MYO6: variants seen among roughly 807,000 people sequenced by gnomAD.
MYO6 encodes unconventional myosin-VI.
MYO6 carries 74 observed loss-of-function variants against 178.7 expected under a neutral mutation model. The ratio of observed to expected loss-of-function variants is 0.41; its 90% CI spans 0.34 to 0.50. The LOEUF (loss-of-function observed/expected upper bound fraction) is 0.50, where lower values mean the gene tolerates loss of function less well. Among genes scored for constraint, MYO6 ranks in the 20% least tolerant of loss-of-function variants. The pLI, the probability that MYO6 is intolerant of heterozygous loss-of-function variation, is 0.09. For synonymous variants in MYO6, 477 were observed against 504.6 expected (o/e 0.95, Z 0.73); for missense variants, 1,330 against 1,547.4 (o/e 0.86, Z 2.36).
At chr6:75,807,577 C>T (rs1454408627) in intron 1 of MYO6, among the ~76,000 whole-genome samples, 1 of 152,170 alleles carries the variant, frequency 6.6e-6, no homozygotes, top group Non-Finnish European at 1.5e-5. Context: ...GGGTCCTGAT[C>T]CAGACCCCAA....
Position 75,890,104 on chromosome 6 carries a change from G to C in MYO6, c.2706G>C (p.Leu902=). The change falls in exon 26 of 35, where the codon CTG becomes CTC. Residue 902 remains leucine, a synonymous_variant. Coordinates refer to ENST00000369977, the MANE Select transcript of MYO6 (RefSeq NM_004999.4). ...AAATCCAGAAAGAATATGATGCACTGGTTAAAAGCTCAGAGGAACTCCTCA... is the reference window on the plus strand; with the variant it reads ...AAATCCAGAAAGAATATGATGCACTCGTTAAAAGCTCAGAGGAACTCCTCA... ...QEQIQKEYDA[L]VKSSEELLSA... 6.2e-7 allele frequency: 1 copy of C among 1,613,818 alleles called. No individual in the cohort carries two copies. Among genetic ancestry groups the C allele is most frequent in the Non-Finnish European group, 8.5e-7 (1 of 1,179,956 alleles).
In MYO6 at chr6:75,761,633, AT is replaced by A. The variant is rs1241224983; in HGVS notation, c.-48+12220del. On this transcript the variant is annotated intron_variant, in intron 1 of 34. Transcript: ENST00000369977. ...CACACACACACACACACACAGACAC[AT>A]TTTTTTTTTCCTTTTTGCCAGATGT... 2.0e-3 allele frequency among the ~76,000 whole-genome samples: 291 copies of A among 148,080 alleles called. 1 individual carries two copies. Among genetic ancestry groups the A allele is most frequent in the African/African-American group, 6.5e-3 (261 of 40,326 alleles).
Position 75,904,272 on chromosome 6 carries a change from C to T in MYO6, c.3177-3333C>T, listed in dbSNP as rs1345585483. Among the ~76,000 whole-genome samples, 3 of 150,064 alleles carry T rather than the reference C, an allele frequency of 2.0e-5. 1 individual carries two copies. The highest frequency in any genetic ancestry group is 4.5e-5 in the Non-Finnish European group (3 of 67,186). On this transcript the variant is annotated intron_variant, in intron 30 of 34. Transcript: ENST00000369977. ...TGTATTTCCTGAATCTGAATGTTGG[C>T]CTGCCTTGCTAGATTGGGTAAGTTC...
At chr6:75,808,407 C>T (rs953952806) in intron 1 of MYO6, among the ~76,000 whole-genome samples, 5 of 152,170 alleles carry the variant, frequency 3.3e-5, no homozygotes, top group African/African-American at 1.2e-4. Context: ...TATATGGCCA[C>T]CAATCCTATC....
rs561955515 is a variant in MYO6, at chr6:75,869,449, CTT to C, written c.1945-1197_1945-1196del. Among the ~76,000 whole-genome samples the C allele has an allele frequency of 6.6e-5, 10 of 152,182 alleles. No individual in the cohort carries two copies. The South Asian group carries it at 2.1e-3, about 32-fold the overall frequency. On this transcript the variant is annotated intron_variant, in intron 18 of 34. Coordinates refer to ENST00000369977, the MANE Select transcript of MYO6 (RefSeq NM_004999.4). The stretch of plus-strand genomic sequence containing the variant: ...TTTCCTTGGATTGTCATGTTCTATC[CTT>C]AATTAGATTAAACATAATAACTCCT...
intron 1 of MYO6, among the ~76,000 whole-genome samples, chr6:75,789,628 A>C (rs1768027883): frequency 1.3e-5 from 2 of 151,552 alleles, no homozygotes; most frequent in Non-Finnish European, 2.9e-5. Flanking sequence ...ATTTTTATTT[A>C]TAATTGACAC....
chr6:75,820,323 T>A (rs1260419599), intron 2 of MYO6, among the ~76,000 whole-genome samples: 2 of 152,206 alleles, frequency 1.3e-5, no homozygotes, highest in Non-Finnish European at 2.9e-5. Flanking sequence ...GTGTCATTGC[T>A]AACATTGCTC....
chr6:75,784,703 G>A (rs371103299), intron 1 of MYO6, among the ~76,000 whole-genome samples: 5 of 150,418 alleles, frequency 3.3e-5, no homozygotes, highest in African/African-American at 9.9e-5. Context: ...CGTGAACCCG[G>A]GAGGCGGAGC....
At chr6:75,874,325 T>C (rs767465075) in intron 20 of MYO6, among the ~76,000 whole-genome samples, 3 of 152,210 alleles carry the variant, frequency 2.0e-5, no homozygotes, top group South Asian at 4.1e-4. Flanking sequence ...CAAGACAGGA[T>C]GGCACCAGTT....
chr6:75,754,410 C>T (rs1182890545), intron 1 of MYO6, among the ~76,000 whole-genome samples: 1 of 146,176 alleles, frequency 6.8e-6, no homozygotes, highest in Non-Finnish European at 1.5e-5. Flanking sequence ...ATCCCAGCTA[C>T]TTGGGAGGCC....
intron 1 of MYO6, among the ~76,000 whole-genome samples, chr6:75,757,077 GTA>G (rs1307901309): frequency 9.7e-5 from 14 of 144,272 alleles, no homozygotes; most frequent in Non-Finnish European, 1.5e-4. Context: ...TATATAGTGT[GTA>G]TATATATGTA....
chr6:75,817,674 T>G lies in MYO6; in HGVS notation c.117+10T>G, dbSNP rs764281724. The stretch of plus-strand genomic sequence containing the variant: ...GAATCAGAAAGGCAAGGTGAGTTTC[T>G]CAGAAAGATGTTGAAATATGATTTC... On this transcript the variant is annotated intron_variant, in intron 2 of 34. Transcript: ENST00000369977. The G allele has an allele frequency of 1.2e-6, 2 of 1,608,148 alleles. No homozygotes were observed. The highest frequency in any genetic ancestry group is 2.7e-5 in the African/African-American group (2 of 74,918).
chr6:75,885,721 C>T (rs1426473470), intron 23 of MYO6, among the ~76,000 whole-genome samples: 1 of 152,146 alleles, frequency 6.6e-6, no homozygotes, highest in African/African-American at 2.4e-5. Context: ...GCTGGGATTA[C>T]AGGCGTGAGC....
chr6:75,899,823 G>A (rs1462896672), intron 30 of MYO6, among the ~76,000 whole-genome samples: 1 of 149,040 alleles, frequency 6.7e-6, no homozygotes, highest in Non-Finnish European at 1.5e-5. Flanking sequence ...CCATGCTGGT[G>A]CGCTGCACCC....
chr6:75,868,361 G>T (rs944370085), intron 18 of MYO6, among the ~76,000 whole-genome samples: 1 of 151,426 alleles, frequency 6.6e-6, no homozygotes, highest in African/African-American at 2.4e-5. Context: ...ATAGCAGATT[G>T]GTTTAAAAAT....
rs571657925 is a variant in MYO6 at position 75,785,865 on chromosome 6, A to G, written c.-47-31636A>G. Among the ~76,000 whole-genome samples, 26 of 152,074 alleles carry G rather than the reference A, an allele frequency of 1.7e-4. No individual in the cohort carries two copies. The East Asian group carries it at 4.8e-3, about 28-fold the overall frequency. ...TCTTTCCCCATTATCTGCATTGCTT[A>G]CTTCTGTTGTAAATTAAATCAAGTA... On this transcript the variant is annotated intron_variant, in intron 1 of 34. Coordinates refer to ENST00000369977, the MANE Select transcript of MYO6 (RefSeq NM_004999.4).
At chr6:75,850,781 C>T (rs9350602) in intron 11 of MYO6, among the ~76,000 whole-genome samples, 19,766 of 151,884 alleles carry the variant, frequency 0.13, 1,365 homozygotes, top group Non-Finnish European at 0.15. Flanking sequence ...AAGAGGAATA[C>T]GCGAGTTAAA....
intron 18 of MYO6, among the ~76,000 whole-genome samples, chr6:75,868,149 T>C (rs1776848184): frequency 6.6e-6 from 1 of 152,016 alleles, no homozygotes; most frequent in South Asian, 2.1e-4. Context: ...TCTAAATAAC[T>C]AAATTGATAA....
chr6:75,915,931 T>C lies in MYO6; in HGVS notation c.*919T>C, dbSNP rs1372476386. 6.5e-6 allele frequency: 1 copy of C among 152,784 alleles called. No homozygotes were observed. Among genetic ancestry groups the C allele is most frequent in the East Asian group, 1.9e-4 (1 of 5,186 alleles). The allele number at this position is 152,784 out of a possible 1,614,324, so 9.5% of individuals were successfully genotyped here. On this transcript the variant is annotated 3_prime_UTR_variant, in exon 35 of 35. Transcript: ENST00000369977. ...TAGTAAGTGTTCTGCTTCCAACATC[T>C]TTCTTTTTAAGAAATTCCTAGTGTC... is the stretch of plus-strand genomic sequence containing the variant.
Sources: gnomAD v4.1 joint callset for allele counts (sites outside exome capture counted in the v4.1 genomes callset) on GRCh38, gnomAD v4.1.1 for gene constraint, MANE v1.5 for transcripts, NCBI Gene and HGNC (gene_info 2026-07-23, HGNC 2026-07-21) for gene names.